RALGAPA2: variants seen among roughly 807,000 people sequenced by gnomAD.
RALGAPA2 encodes ral GTPase-activating protein subunit alpha-2.
In RALGAPA2, 139 loss-of-function variants were observed where a neutral mutation model predicts 230.4. That is an observed-to-expected ratio of 0.60 (90% CI 0.53 to 0.69). The LOEUF is 0.69. RALGAPA2 is among the 30% of genes least tolerant of loss of function. RALGAPA2 has a pLI of 0.00. For missense variants in RALGAPA2, 2,163 were observed against 2,276.0 expected (o/e 0.95, Z 1.01); for synonymous variants, 847 against 837.8 (o/e 1.01, Z -0.19).
At chr20:20,660,776 T>C (rs917403771) in intron 3 of RALGAPA2, among the ~76,000 whole-genome samples, 1 of 152,166 alleles carries the variant, frequency 6.6e-6, no homozygotes, top group African/African-American at 2.4e-5. Flanking sequence ...TTGTGGGTAC[T>C]GACAGTAGAT....
rs41304824 is a variant in RALGAPA2 at position 20,391,171 on chromosome 20, C to A, written c.*2118G>T. 379 of 152,348 alleles carry A rather than the reference C, an allele frequency of 2.5e-3. 1 individual carries two copies. The highest frequency in any genetic ancestry group is 3.9e-3 in the Non-Finnish European group (268 of 68,062). The allele number at this position is 152,348 out of a possible 1,614,324, so 9.4% of individuals were successfully genotyped here. A position where few individuals can be genotyped will look rare whatever the true frequency, so the allele number is the denominator to read the frequency against. Reference sequence around the variant, plus strand: ...GGGGACTCTGGAGCCTAGGAGCATGCGATGGCCTTCCCAACAGGAGTGAGG... The same window carrying A: ...GGGGACTCTGGAGCCTAGGAGCATGAGATGGCCTTCCCAACAGGAGTGAGG... On this transcript the variant is annotated 3_prime_UTR_variant, in exon 40 of 40. Transcript: ENST00000202677.
chr20:20,440,107 T>A (rs997566979), intron 37 of RALGAPA2, among the ~76,000 whole-genome samples: 5 of 152,172 alleles, frequency 3.3e-5, no homozygotes, highest in African/African-American at 1.2e-4. Context: ...TTAAAAAAAA[T>A]TACTGAGAAT....
chr20:20,470,323 T>C (rs1323364534), intron 37 of RALGAPA2, among the ~76,000 whole-genome samples: 1 of 152,176 alleles, frequency 6.6e-6, no homozygotes, highest in East Asian at 1.9e-4. Context: ...TTAAATATTA[T>C]AAAAACTAAA....
chr20:20,639,375 G>A (rs1001355844), intron 7 of RALGAPA2, among the ~76,000 whole-genome samples: 4 of 152,222 alleles, frequency 2.6e-5, no homozygotes, highest in Non-Finnish European at 4.4e-5. Context: ...TGGTGCATAT[G>A]AGAAAAATAA....
At chr20:20,707,028 A>C (rs1339583823) in intron 1 of RALGAPA2, among the ~76,000 whole-genome samples, 1 of 152,150 alleles carries the variant, frequency 6.6e-6, no homozygotes, top group Non-Finnish European at 1.5e-5. Flanking sequence ...CAGACACGCC[A>C]CTTGGATCTT....
At chr20:20,699,115 T>G (rs1426554121) in intron 1 of RALGAPA2, among the ~76,000 whole-genome samples, 2 of 151,526 alleles carry the variant, frequency 1.3e-5, no homozygotes, top group African/African-American at 4.9e-5. Context: ...TTATCACAAT[T>G]TTTCTGGTTA....
At position 20,712,461 on chromosome 20, in the gene RALGAPA2, T is replaced by C. The variant is rs1175677350; in HGVS notation, c.20A>G (p.His7Arg). The C allele has an allele frequency of 6.4e-7, 1 of 1,551,380 alleles. No homozygotes were observed. Among genetic ancestry groups the C allele is most frequent in the Admixed American group, 1.9e-5 (1 of 51,306 alleles). Residue 7 changes from histidine (H) to arginine (R), a missense_variant, in exon 1 of 40, where the codon CAC becomes CGC. Coordinates refer to ENST00000202677, the MANE Select transcript of RALGAPA2 (RefSeq NM_020343.4). This position sits in a 1 kb window ranked among gnomAD's most constrained non-coding sequence, Gnocchi z 5.5. Reference protein sequence around the residue: MFSRRSHGDVKKSTQKV... With the variant: MFSRRSRGDVKKSTQKV... ...CTGGGTGGACTTCTTCACATCCCCGTGGCTCCTTCGGGAGAACATCCCGCG... is the reference window on the plus strand; with the variant it reads ...CTGGGTGGACTTCTTCACATCCCCGCGGCTCCTTCGGGAGAACATCCCGCG...
intron 20 of RALGAPA2, among the ~76,000 whole-genome samples, chr20:20,574,900 C>T (rs1436571211): frequency 6.6e-6 from 1 of 152,160 alleles, no homozygotes; most frequent in African/African-American, 2.4e-5. Flanking sequence ...AGCCTCAGCC[C>T]CCATGTGTTC....
chr20:20,548,869 T>C (rs1450839649), intron 23 of RALGAPA2, among the ~76,000 whole-genome samples: 1 of 152,226 alleles, frequency 6.6e-6, no homozygotes, highest in Non-Finnish European at 1.5e-5. Context: ...CATCAAGCTA[T>C]CCGGCAGCAG....
chr20:20,536,425 A>G (rs2063499721), intron 25 of RALGAPA2, among the ~76,000 whole-genome samples: 1 of 152,230 alleles, frequency 6.6e-6, no homozygotes, highest in Admixed American at 6.5e-5. Context: ...AAACAGGTAT[A>G]ATAAAAAACA....
At chr20:20,682,965 C>G (rs1240990917) in intron 1 of RALGAPA2, among the ~76,000 whole-genome samples, 1 of 152,186 alleles carries the variant, frequency 6.6e-6, no homozygotes, top group Non-Finnish European at 1.5e-5. Context: ...CTGCTGCCAG[C>G]TGATTTCTCC....
At chr20:20,418,818 C>T (rs539396590) in intron 37 of RALGAPA2, among the ~76,000 whole-genome samples, 4 of 152,246 alleles carry the variant, frequency 2.6e-5, no homozygotes, top group African/African-American at 9.6e-5. Context: ...AGCTTACTGC[C>T]ACCTTGAAGT....
rs142681335 is a variant in RALGAPA2 at position 20,484,196 on chromosome 20, T to C, written c.5367+10921A>G. Among the ~76,000 whole-genome samples the C allele has an allele frequency of 5.0e-3, 764 of 152,354 alleles. 7 individuals are homozygous for C. The highest frequency in any genetic ancestry group is 0.017 in the African/African-American group (709 of 41,576). The stretch of plus-strand genomic sequence containing the variant: ...GTACCAAAAGACAGTAATTTTCCCG[T>C]TGGGAAAAACAATAGTAGTCACATT... On this transcript the variant is annotated intron_variant, in intron 36 of 39. Coordinates refer to ENST00000202677, the MANE Select transcript of RALGAPA2 (RefSeq NM_020343.4).
chr20:20,658,514 GA>G lies in RALGAPA2; in HGVS notation c.271-4928del, dbSNP rs546657182. Reference sequence around the variant, plus strand: ...GTAGTTTCACTGGAAAGTAAAATAAGAAAAAAAAATCAAGAAAGCCACACAG... The same window carrying G: ...GTAGTTTCACTGGAAAGTAAAATAAGAAAAAAAATCAAGAAAGCCACACAG... On this transcript the variant is annotated intron_variant, in intron 3 of 39. Transcript: ENST00000202677. Among the ~76,000 whole-genome samples the G allele has an allele frequency of 6.2e-3, 929 of 150,862 alleles. 9 individuals carry two copies. Among genetic ancestry groups the G allele is most frequent in the South Asian group, 0.033 (158 of 4,778 alleles).
intron 1 of RALGAPA2, among the ~76,000 whole-genome samples, chr20:20,684,171 A>T (rs2068621927): frequency 6.6e-6 from 1 of 152,140 alleles, no homozygotes; most frequent in African/African-American, 2.4e-5. Flanking sequence ...AGAAACCTGC[A>T]AGTGCCCCCA....
chr20:20,410,586 G>T (rs539588663), intron 38 of RALGAPA2, among the ~76,000 whole-genome samples: 1 of 152,124 alleles, frequency 6.6e-6, no homozygotes, highest in Non-Finnish European at 1.5e-5. Flanking sequence ...AATTAGAAAC[G>T]ATTTAAAATC....
intron 37 of RALGAPA2, among the ~76,000 whole-genome samples, chr20:20,423,572 G>T (rs371705770): frequency 1.4e-4 from 21 of 152,188 alleles, no homozygotes; most frequent in Non-Finnish European, 2.6e-4. Context: ...GGCTCAGGTC[G>T]CATTTAATAA....
intron 37 of RALGAPA2, among the ~76,000 whole-genome samples, chr20:20,432,290 T>A (rs1602350480): frequency 2.6e-5 from 4 of 152,284 alleles, no homozygotes; most frequent in Admixed American, 2.6e-4. Context: ...CTGCCAGGGC[T>A]CTCCTTTGCT....
chr20:20,610,250 T>C (rs1053161658), intron 14 of RALGAPA2, among the ~76,000 whole-genome samples: 2 of 152,214 alleles, frequency 1.3e-5, no homozygotes, highest in Non-Finnish European at 2.9e-5. Context: ...TTATGTAGAA[T>C]GTAGCATTTT....
Sources: allele counts gnomAD v4.1 joint callset (sites outside exome capture counted in the v4.1 genomes callset), GRCh38; gene constraint gnomAD v4.1.1; non-coding constraint Gnocchi (gnomAD v3.1); transcripts MANE v1.5; gene names NCBI Gene and HGNC (gene_info 2026-07-23, HGNC 2026-07-21).